MICAL2: variants seen among roughly 807,000 people sequenced by gnomAD.
MICAL2 encodes microtubule associated monooxygenase, calponin and LIM domain containing 2.
MICAL2 carries 77 observed loss-of-function variants against 127.3 expected under a neutral mutation model. The ratio of observed to expected loss-of-function variants is 0.60; its 90% CI spans 0.50 to 0.73. The LOEUF (loss-of-function observed/expected upper bound fraction) is 0.73. Ranked by LOEUF, MICAL2 falls within the 30% of genes least tolerant of loss-of-function variation. The pLI is 0.00. For missense variants in MICAL2, 1,351 were observed against 1,434.4 expected (o/e 0.94, Z 0.94); for synonymous variants, 570 against 551.1 (o/e 1.03, Z -0.48).
Position 12,220,300 on chromosome 11 carries a change from C to T in MICAL2, c.1048C>T (p.Gln350Ter), listed in dbSNP as rs1856667544. The T allele has an allele frequency of 6.2e-7, 1 of 1,614,132 alleles. No homozygotes were observed. The highest frequency in any genetic ancestry group is 1.3e-5 in the African/African-American group (1 of 74,946). ...AGCTGCAGACTTTGCCACCAACTAC[C>T]AGCTGCCATCCTTAGACTTTGCCAT... ...REAADFATNY[Q>*]LPSLDFAMNH... The change falls in exon 9 of 28, where the codon CAG (glutamine) becomes TAG (stop). Residue 350 changes from glutamine (Q) to a stop codon, truncating the protein, a stop_gained. Transcript: ENST00000683283. LOFTEE classifies it high-confidence loss of function.
intron 2 of MICAL2, among the ~76,000 whole-genome samples, chr11:12,281,588 C>T (rs560305653): frequency 1.3e-5 from 2 of 152,318 alleles, no homozygotes; most frequent in South Asian, 4.1e-4. Flanking sequence ...TTGTGGGATG[C>T]ACCCAAACTT....
intron 15 of MICAL2, among the ~76,000 whole-genome samples, chr11:12,228,359 A>C (rs755413179): frequency 7.2e-5 from 11 of 152,058 alleles, no homozygotes; most frequent in Non-Finnish European, 1.5e-4. Flanking sequence ...AGGCCTAGAG[A>C]GGCTAGGTGC....
chr11:12,228,658 T>C (rs1210912162), intron 15 of MICAL2, among the ~76,000 whole-genome samples: 1 of 151,890 alleles, frequency 6.6e-6, no homozygotes, highest in African/African-American at 2.4e-5. Context: ...AACAGGCAGT[T>C]GGAAAGTCAG....
chr11:12,249,703 C>T (rs921939505), intron 22 of MICAL2, among the ~76,000 whole-genome samples: 2 of 152,220 alleles, frequency 1.3e-5, no homozygotes, highest in African/African-American at 4.8e-5. Flanking sequence ...TGCTGCCTTA[C>T]CCACGTGGGC....
intron 3 of MICAL2, among the ~76,000 whole-genome samples, chr11:12,178,847 G>A (rs192405552): frequency 2.0e-4 from 30 of 151,850 alleles, no homozygotes; most frequent in African/African-American, 7.2e-4. Flanking sequence ...TCAGCCTCCC[G>A]AGTAGCTGGG....
intron 31 of MICAL2, among the ~76,000 whole-genome samples, chr11:12,325,213 G>A (rs527625046): frequency 2.6e-5 from 4 of 152,180 alleles, no homozygotes; most frequent in African/African-American, 9.6e-5. Context: ...AGGTTCAAGC[G>A]ATTCTCTTGC....
intron 34 of MICAL2, among the ~76,000 whole-genome samples, chr11:12,356,741 C>A (rs1253718744): frequency 1.3e-5 from 2 of 152,214 alleles, no homozygotes; most frequent in African/African-American, 2.4e-5. Flanking sequence ...GGCAGGTCCA[C>A]TAGCCAGCTG....
At chr11:12,303,499 T>G (rs142636737) in intron 29 of MICAL2, 2 of 152,338 alleles carry the variant, frequency 1.3e-5, no homozygotes, top group Admixed American at 6.5e-5. Flanking sequence ...CTTTAACCAT[T>G]AAAAATGTAT....
At chr11:12,164,016 C>A (rs779536329) in intron 3 of MICAL2, among the ~76,000 whole-genome samples, 2 of 152,090 alleles carry the variant, frequency 1.3e-5, no homozygotes, top group Non-Finnish European at 2.9e-5. Flanking sequence ...GAGGGACCCT[C>A]TTGGTGATCT....
intron 2 of MICAL2, among the ~76,000 whole-genome samples, chr11:12,150,649 C>T (rs1853473656): frequency 6.6e-6 from 1 of 152,070 alleles, no homozygotes; most frequent in African/African-American, 2.4e-5. Flanking sequence ...CAGCATCCCT[C>T]TATATCCTCC....
intron 2 of MICAL2, among the ~76,000 whole-genome samples, chr11:12,151,674 G>T (rs1244721792): frequency 6.6e-6 from 1 of 152,158 alleles, no homozygotes; most frequent in Non-Finnish European, 1.5e-5. Context: ...CAAGGTCTTT[G>T]TGCCCTGGCA....
At chr11:12,231,684 C>A (rs946321680) in intron 15 of MICAL2, among the ~76,000 whole-genome samples, 1 of 152,208 alleles carries the variant, frequency 6.6e-6, no homozygotes, top group Non-Finnish European at 1.5e-5. Flanking sequence ...TCCCCAACTT[C>A]TCTCACAGAA....
At chr11:12,309,552 T>C (rs1278040841) in intron 29 of MICAL2, among the ~76,000 whole-genome samples, 3 of 152,208 alleles carry the variant, frequency 2.0e-5, no homozygotes, top group Non-Finnish European at 2.9e-5. Flanking sequence ...TGTATATATA[T>C]ACCACATTTT....
Position 12,220,971 on chromosome 11 carries a change from T to C in MICAL2, c.1206+513T>C, listed in dbSNP as rs115231097. ...AATGTTTTCAGAAAGGAGAAAGTTTTCTCTTTAGTGTGAGCACTGATTATG... is the reference window on the plus strand; with the variant it reads ...AATGTTTTCAGAAAGGAGAAAGTTTCCTCTTTAGTGTGAGCACTGATTATG... On this transcript the variant is annotated intron_variant, in intron 9 of 27. Transcript: ENST00000683283. 4.5e-3 allele frequency among the ~76,000 whole-genome samples: 691 copies of C among 152,368 alleles called. 6 individuals carry two copies. The highest frequency in any genetic ancestry group is 0.016 in the African/African-American group (659 of 41,592).
rs185236177 is a variant in MICAL2 at position 12,218,628 on chromosome 11, C to T, written c.949-1573C>T. ...GGAGAGAGAAGTGATCATGTGACCG[C>T]GGAAACAGGGATCAGAAAGGAAATC... On this transcript the variant is annotated intron_variant, in intron 8 of 27. Coordinates refer to ENST00000683283, the MANE Select transcript of MICAL2 (RefSeq NM_001282663.2). Among the ~76,000 whole-genome samples the T allele has an allele frequency of 4.6e-5, 7 of 152,242 alleles. No homozygotes were observed. In the South Asian group the frequency reaches 6.2e-4, roughly 14 times the overall value.
rs1238001673 is a variant in MICAL2, at chr11:12,207,908, G to A, written c.473-115G>A. On this transcript the variant is annotated intron_variant, in intron 4 of 27. Transcript: ENST00000683283. ...ATAATCCCGCTCAGTAATGATCATT[G>A]TTGGTATACTGCTGTGCTCAAAGGT... 39 of 781,858 alleles carry A rather than the reference G, an allele frequency of 5.0e-5. No individual in the cohort carries two copies. The East Asian group carries it at 9.6e-4, about 19-fold the overall frequency. The allele number at this position is 781,858 out of a possible 1,614,324, so 48.4% of individuals were successfully genotyped here.
chr11:12,229,782 A>G (rs911663346), intron 15 of MICAL2, among the ~76,000 whole-genome samples: 2 of 152,234 alleles, frequency 1.3e-5, no homozygotes, highest in African/African-American at 4.8e-5. Context: ...TGCTTGTGGT[A>G]GAGGGCTCTG....
Position 12,160,506 on chromosome 11 carries a change from C to T in MICAL2, c.-77-1573C>T, listed in dbSNP as rs116931588. On this transcript the variant is annotated intron_variant, in intron 2 of 27. Transcript: ENST00000683283. Reference sequence around the variant, plus strand: ...TGGACATCCCCACCGCACCTCCTCACGAATCCTGAACCTTGAACTTGCTGT... The same window carrying T: ...TGGACATCCCCACCGCACCTCCTCATGAATCCTGAACCTTGAACTTGCTGT... 0.011 allele frequency among the ~76,000 whole-genome samples: 1,702 copies of T among 152,298 alleles called. 142 individuals carry two copies. In the East Asian group the frequency reaches 0.22, roughly 20 times the overall value.
At chr11:12,248,366 C>T (rs1197007660) in intron 21 of MICAL2, among the ~76,000 whole-genome samples, 1 of 152,218 alleles carries the variant, frequency 6.6e-6, no homozygotes, top group African/African-American at 2.4e-5. Context: ...CCCACCAAAC[C>T]AGCCCTCTTC....
Sources: gnomAD v4.1 joint callset for allele counts (sites outside exome capture counted in the v4.1 genomes callset) on GRCh38, gnomAD v4.1.1 for gene constraint, MANE v1.5 for transcripts, NCBI Gene and HGNC (gene_info 2026-07-23, HGNC 2026-07-21) for gene names.